The following WT1 variants were observed in gnomAD, a reference collection of about 807,000 sequenced individuals.
WT1 encodes WT1 transcription factor.
In WT1, 8 loss-of-function variants were observed where a neutral mutation model predicts 60.8. That is an observed-to-expected ratio of 0.13 (90% CI 0.08 to 0.24). The LOEUF is 0.24. WT1 is among the 10% of genes least tolerant of loss of function. The probability of loss-of-function intolerance (pLI) is 1.00; values close to 1 mark genes in which losing one functional copy is unlikely to be tolerated. For synonymous variants in WT1, 312 were observed against 297.1 expected, an observed-to-expected ratio of 1.05 and a Z score of -0.52; for missense variants, 568 against 711.8, an observed-to-expected ratio of 0.80 and a Z score of 2.30.
At chr11:32,411,812 A>T (rs1852506682) in intron 5 of WT1, among the ~76,000 whole-genome samples, 1 of 152,248 alleles carries the variant, frequency 6.6e-6, no homozygotes, top group Admixed American at 6.5e-5. Context: ...CAAACCCTGG[A>T]GTCCCATTCT....
chr11:32,391,582 T>C (rs1590330650), intron 9 of WT1, among the ~76,000 whole-genome samples: 1 of 152,320 alleles, frequency 6.6e-6, no homozygotes, highest in African/African-American at 2.4e-5. Flanking sequence ...AATAGTGCCA[T>C]TAAACATGTG....
chr11:32,429,955 C>T (rs1198437904), intron 1 of WT1, among the ~76,000 whole-genome samples: 2 of 143,900 alleles, frequency 1.4e-5, no homozygotes, highest in Non-Finnish European at 3.0e-5. Flanking sequence ...CGCTCATGCA[C>T]ACACACCACC....
intron 3 of WT1, among the ~76,000 whole-genome samples, chr11:32,424,389 G>A (rs997505811): frequency 6.6e-6 from 1 of 152,178 alleles, no homozygotes; most frequent in African/African-American, 2.4e-5. Flanking sequence ...GCCTCAACGA[G>A]TAGTCAAAAG....
chr11:32,420,023 C>T (rs1037206152), intron 3 of WT1, among the ~76,000 whole-genome samples: 3 of 152,130 alleles, frequency 2.0e-5, no homozygotes, highest in African/African-American at 7.2e-5. Flanking sequence ...TCTTGGCCCT[C>T]AGAAGGCAAA....
At chr11:32,411,060 C>T (rs1015219261) in intron 5 of WT1, among the ~76,000 whole-genome samples, 1 of 150,864 alleles carries the variant, frequency 6.6e-6, no homozygotes, top group African/African-American at 2.5e-5. Context: ...TAACCTCTCC[C>T]TCTCCAATAC....
At chr11:32,418,645 T>C (rs953469453) in intron 3 of WT1, among the ~76,000 whole-genome samples, 6 of 152,194 alleles carry the variant, frequency 3.9e-5, no homozygotes, top group Admixed American at 2.0e-4. Context: ...ACCATCTCTG[T>C]CTGGTCATGG....
chr11:32,403,341 G>C (rs1399202690), intron 5 of WT1, among the ~76,000 whole-genome samples: 2 of 152,000 alleles, frequency 1.3e-5, no homozygotes, highest in African/African-American at 2.4e-5. Flanking sequence ...TTTTTAAAAA[G>C]CAACTCGGTC....
intron 1 of WT1, among the ~76,000 whole-genome samples, chr11:32,431,941 C>T (rs566300768): frequency 6.6e-6 from 1 of 152,118 alleles, no homozygotes; most frequent in Admixed American, 6.5e-5. Context: ...ACCTCTGCCA[C>T]CTAATCTCAT....
intron 1 of WT1, among the ~76,000 whole-genome samples, chr11:32,431,078 C>A (rs944465709): frequency 1.3e-5 from 2 of 152,120 alleles, no homozygotes; most frequent in Non-Finnish European, 2.9e-5. Context: ...CTTGACCGTG[C>A]GCTAAGAGGC....
chr11:32,400,373 G>A (rs1590346154), intron 5 of WT1: 1 of 422,088 alleles, frequency 2.4e-6, no homozygotes, highest in Admixed American at 3.5e-5. Flanking sequence ...TAGACGGCAG[G>A]GCTGACAGCT....
chr11:32,419,373 T>C (rs1388553667), intron 3 of WT1, among the ~76,000 whole-genome samples: 1 of 152,212 alleles, frequency 6.6e-6, no homozygotes, highest in Non-Finnish European at 1.5e-5. Flanking sequence ...CCAACAGGCA[T>C]TGTATTCCCC....
At chr11:32,428,678 G>C in intron 1 of WT1, 59 bp from the exon 2 acceptor site, 1 of 1,584,308 alleles carries the variant, frequency 6.3e-7, no homozygotes, top group Non-Finnish European at 8.5e-7. Context: ...ACGGGGCAGT[G>C]GGTCTGAACC....
chr11:32,418,345 C>A (rs1004061348), intron 3 of WT1, among the ~76,000 whole-genome samples: 6 of 151,704 alleles, frequency 4.0e-5, no homozygotes, highest in Admixed American at 3.9e-4. Flanking sequence ...CTATGTAAAC[C>A]AACAAAAAGC....
intron 9 of WT1, among the ~76,000 whole-genome samples, chr11:32,390,818 A>G (rs1036886822): frequency 1.3e-5 from 2 of 152,166 alleles, no homozygotes; most frequent in African/African-American, 4.8e-5. Flanking sequence ...CCCTTCTCCA[A>G]TAAAGAAGCA....
intron 8 of WT1, 56 bp downstream of exon 8, chr11:32,392,610 A>G: frequency 6.5e-7 from 1 of 1,546,372 alleles, no homozygotes; most frequent in Non-Finnish European, 8.9e-7. Context: ...GAATCATGAA[A>G]TCAACCCTAG....
chr11:32,431,469 C>T (rs1179753308), intron 1 of WT1, among the ~76,000 whole-genome samples: 1 of 146,628 alleles, frequency 6.8e-6, no homozygotes, highest in Non-Finnish European at 1.5e-5. Context: ...CGGAGTTTCG[C>T]TCTGTCGCCC....
At chr11:32,389,998 G>A (rs1851770416) in intron 9 of WT1, among the ~76,000 whole-genome samples, 1 of 152,196 alleles carries the variant, frequency 6.6e-6, no homozygotes, top group East Asian at 1.9e-4. Flanking sequence ...ACAACTGCCC[G>A]TAGGGGAAGC....
intron 6 of WT1, among the ~76,000 whole-genome samples, chr11:32,396,824 C>A (rs755226928): frequency 3.3e-5 from 5 of 152,162 alleles, no homozygotes; most frequent in Non-Finnish European, 7.4e-5. Flanking sequence ...ACCACATGAC[C>A]TAGAGCCAGT....
At chr11:32,406,020 T>G (rs553460564) in intron 5 of WT1, among the ~76,000 whole-genome samples, 1 of 152,288 alleles carries the variant, frequency 6.6e-6, no homozygotes, top group South Asian at 2.1e-4. Context: ...GCTGAAGGTT[T>G]TAAAGGTGAA....
Sources: gnomAD v4.1 joint callset for allele counts (sites outside exome capture counted in the v4.1 genomes callset) on GRCh38, gnomAD v4.1.1 for gene constraint, MANE v1.5 for transcripts, NCBI Gene and HGNC (gene_info 2026-07-23, HGNC 2026-07-21) for gene names.